The following SMG6 variants were observed in gnomAD, a reference collection of about 807,000 sequenced individuals.
SMG6 encodes SMG6 nonsense mediated mRNA decay factor.
A neutral mutation model predicts 142.2 loss-of-function variants in SMG6; 66 were observed. The ratio of observed to expected loss-of-function variants is 0.46; its 90% confidence interval spans 0.38 to 0.57. The LOEUF (loss-of-function observed/expected upper bound fraction) is 0.57. Among genes scored for constraint, SMG6 ranks in the 20% least tolerant of loss-of-function variants. SMG6 has a pLI of 0.00. For synonymous variants in SMG6, 779 were observed against 702.4 expected, an observed-to-expected ratio of 1.11 and a Z score of -1.72; for missense variants, 1,793 against 1,832.0, an observed-to-expected ratio of 0.98 and a Z score of 0.39.
chr17:2,095,242 T>C (rs1434127295), intron 13 of SMG6: 2 of 152,250 alleles, frequency 1.3e-5, no homozygotes, highest in Non-Finnish European at 2.9e-5. Context: ...ACACAGTCTG[T>C]TTCTACACTG....
At chr17:2,088,058 G>A (rs2068613022) in intron 13 of SMG6, 7 of 985,498 alleles carry the variant, frequency 7.1e-6, no homozygotes, top group Admixed American at 6.1e-5. Context: ...AGAGGACAGA[G>A]GAAAAGCTTG....
intron 8 of SMG6, among the ~76,000 whole-genome samples, chr17:2,248,282 C>T (rs990459198): frequency 3.3e-5 from 5 of 152,126 alleles, no homozygotes; most frequent in African/African-American, 1.2e-4. Flanking sequence ...CTACACCTAT[C>T]TCGGGGAAAA....
chr17:2,165,804 C>G (rs1347851306), intron 13 of SMG6, among the ~76,000 whole-genome samples: 2 of 152,086 alleles, frequency 1.3e-5, no homozygotes, highest in Admixed American at 1.3e-4. Context: ...ACTCAGGAGG[C>G]TGAGGGGGGA....
At chr17:2,153,653 CTGGGGG>C (rs2070896658) in intron 13 of SMG6, among the ~76,000 whole-genome samples, 3 of 140,384 alleles carry the variant, frequency 2.1e-5, no homozygotes, top group South Asian at 2.4e-4. Context: ...GTGACGGTGA[CTGGGGG>C]AACCTGGGGA....
chr17:2,287,916 A>C, intron 6 of SMG6, among the ~76,000 whole-genome samples: 1 of 152,196 alleles, frequency 6.6e-6, no homozygotes, highest in East Asian at 1.9e-4. Flanking sequence ...GGGAGCTGTT[A>C]TTTAATAGAT....
In SMG6 at chr17:2,085,751, GGCTTCC is replaced by G; in HGVS notation, c.3502_3507del (p.Gly1168_Ser1169del). The G allele has an allele frequency of 6.2e-7, 1 of 1,614,002 alleles. No individual in the cohort carries two copies. ...TCATCTTCCAGTCGTGTTCCCTCTT[GGCTTCC>G]CATTTCCTTTCCCATGGTGTCTGGG... On this transcript the variant is annotated inframe_deletion, in exon 14 of 19. Coordinates refer to ENST00000263073, the MANE Select transcript of SMG6 (RefSeq NM_017575.5). The surrounding 1 kb of genome is among the most constrained non-coding windows in gnomAD (Gnocchi z 4.1).
intron 13 of SMG6, among the ~76,000 whole-genome samples, chr17:2,113,375 CTAAGGCCCAAT>C (rs1555537488): frequency 1.3e-5 from 2 of 152,188 alleles, no homozygotes; most frequent in Non-Finnish European, 2.9e-5. Flanking sequence ...TATGCTGGGC[CTAAGGCCCAAT>C]TTCTAAATGA....
chr17:2,182,647 G>A (rs556660987), intron 12 of SMG6, among the ~76,000 whole-genome samples: 10 of 152,192 alleles, frequency 6.6e-5, no homozygotes, highest in African/African-American at 1.9e-4. Context: ...TCACATGGCT[G>A]GTCCCCAAGT....
chr17:2,272,254 C>T (rs1273376752), intron 8 of SMG6, among the ~76,000 whole-genome samples: 1 of 152,096 alleles, frequency 6.6e-6, no homozygotes, highest in Non-Finnish European at 1.5e-5. Flanking sequence ...CATGCTATTA[C>T]TTCTATTTGG....
intron 5 of SMG6, 76 bp from the exon 6 acceptor site, chr17:2,292,706 C>T (rs749033583): frequency 6.6e-5 from 102 of 1,552,014 alleles, no homozygotes; most frequent in Non-Finnish European, 8.9e-5. Context: ...AGCCCTAATA[C>T]TTAAAACATA....
chr17:2,123,621 A>G (rs1244256345), intron 13 of SMG6, among the ~76,000 whole-genome samples: 1 of 152,192 alleles, frequency 6.6e-6, no homozygotes, highest in Admixed American at 6.6e-5. Context: ...AGTATGCCAA[A>G]AGGGAAGTCG....
intron 10 of SMG6, among the ~76,000 whole-genome samples, chr17:2,205,196 G>A (rs996306955): frequency 6.6e-6 from 1 of 151,996 alleles, no homozygotes; most frequent in African/African-American, 2.4e-5. Flanking sequence ...AGCCTCCCAA[G>A]TAGCTGGGAT....
intron 8 of SMG6, among the ~76,000 whole-genome samples, chr17:2,257,945 G>A (rs898445199): frequency 1.3e-5 from 2 of 149,388 alleles, no homozygotes; most frequent in African/African-American, 2.5e-5. Context: ...GAAGGCGGAG[G>A]GTGCAGTGAG....
intron 6 of SMG6, among the ~76,000 whole-genome samples, chr17:2,286,456 C>T (rs2074907367): frequency 6.6e-6 from 1 of 152,060 alleles, no homozygotes; most frequent in South Asian, 2.1e-4. Flanking sequence ...AAAAAACCCA[C>T]ATATAAAGTG....
At position 2,187,589 on chromosome 17, in the gene SMG6, A is replaced by C. The variant is rs1464388865; in HGVS notation, c.2987-758T>G. On this transcript the variant is annotated intron_variant, in intron 11 of 18. Transcript: ENST00000263073. ...GTTCAGAAGAAAAATAATAACCTTA[A>C]GTATGTGTGTATGGAAAGACGAACG... Among the ~76,000 whole-genome samples the C allele has an allele frequency of 2.0e-5, 3 of 152,320 alleles. No homozygotes were observed. In the South Asian group the frequency reaches 6.2e-4, roughly 32 times the overall value.
At chr17:2,198,970 AAAAAG>A (rs1371910979) in intron 10 of SMG6, among the ~76,000 whole-genome samples, 2 of 150,494 alleles carry the variant, frequency 1.3e-5, no homozygotes, top group African/African-American at 4.9e-5. Flanking sequence ...AAAAAAAAAA[AAAAAG>A]AAAAGTTCAC....
In SMG6 at chr17:2,299,851, G is replaced by C; in HGVS notation, c.902C>G (p.Thr301Ser). Residue 301 changes from threonine (T) to serine (S), a missense_variant, in exon 2 of 19, where the codon ACC (threonine) becomes AGC (serine). Physicochemically the swap from Thr to Ser is moderately conservative, Grantham distance 58. Around this residue, in one of 3 missense-constraint regions of SMG6, gnomAD observed 1,597 missense variants for 1,584.6 expected, o/e 1.01. Coordinates refer to ENST00000263073, the MANE Select transcript of SMG6 (RefSeq NM_017575.5). The surrounding 1 kb of genome is among the most constrained non-coding windows in gnomAD (Gnocchi z 4.3). ...RLKKQVSVSS[T>S]DSLDEDRIDE... ...AATTCTGTCCTCGTCTAAGGAATCG[G>C]TTGAGGACACAGACACTTGCTTCTT... The C allele has an allele frequency of 6.2e-7, 1 of 1,614,130 alleles. No homozygotes were observed. The highest frequency in any genetic ancestry group is 8.5e-7 in the Non-Finnish European group (1 of 1,179,978).
At chr17:2,189,775 C>T (rs1312395338) in intron 10 of SMG6, among the ~76,000 whole-genome samples, 2 of 152,162 alleles carry the variant, frequency 1.3e-5, no homozygotes, top group East Asian at 1.9e-4. Context: ...CCAGCCCCAA[C>T]CCACTTCTGA....
chr17:2,228,353 T>C (rs2073375231), intron 10 of SMG6, among the ~76,000 whole-genome samples: 1 of 152,008 alleles, frequency 6.6e-6, no homozygotes, highest in Admixed American at 6.6e-5. Context: ...CTCAGCCTCC[T>C]CAGTAGCTGG....
Sources: allele counts gnomAD v4.1 joint callset (sites outside exome capture counted in the v4.1 genomes callset), GRCh38; gene constraint gnomAD v4.1.1; regional missense constraint gnomAD v4.1.1; non-coding constraint Gnocchi (gnomAD v3.1); transcripts MANE v1.5; gene names NCBI Gene and HGNC (gene_info 2026-07-23, HGNC 2026-07-21).